Variants in NPSR1 observed in about 807,000 individuals in gnomAD.
The protein encoded by NPSR1 is neuropeptide S receptor.
A neutral mutation model predicts 46.9 loss-of-function variants in NPSR1; 48 were observed. That is an observed-to-expected ratio of 1.02 (90% CI 0.81 to 1.30). The LOEUF (loss-of-function observed/expected upper bound fraction) is 1.30, where lower values mean the gene tolerates loss of function less well. Ranked by LOEUF, NPSR1 falls within the 50% of genes most tolerant of loss-of-function variation. NPSR1 has a pLI of 0.00. For synonymous variants in NPSR1, 176 were observed against 168.1 expected, an observed-to-expected ratio of 1.05 and a Z score of -0.36; for missense variants, 450 against 449.5, an observed-to-expected ratio of 1.00 and a Z score of -0.01.
rs1448314326 is a variant in NPSR1, at chr7:34,811,816, T to C, written c.431T>C (p.Ile144Thr). ...ASTYVLVSLS[I>T]DRYHAIVYPM... The stretch of plus-strand genomic sequence containing the variant: ...ACCTACGTCCTGGTGTCCCTCAGCA[T>C]AGACAGATACCATGCCATCGTCTAC... Residue 144 changes from isoleucine (I) to threonine (T), a missense_variant, in exon 4 of 9, where the codon ATA becomes ACA. Ile to Thr is a moderately conservative substitution (Grantham distance 89). Transcript: ENST00000360581. 3.7e-6 allele frequency: 6 copies of C among 1,613,612 alleles called. No homozygotes were observed. The highest frequency in any genetic ancestry group is 2.2e-5 in the East Asian group (1 of 44,876).
intron 3 of NPSR1, among the ~76,000 whole-genome samples, chr7:34,790,929 A>G (rs193268840): frequency 2.6e-5 from 3 of 115,986 alleles, no homozygotes; most frequent in African/African-American, 1.4e-4. Context: ...TATATGTTAT[A>G]TGTTATATTA....
intron 1 of NPSR1, among the ~76,000 whole-genome samples, chr7:34,661,726 C>A (rs1164466460): frequency 6.6e-6 from 1 of 152,184 alleles, no homozygotes; most frequent in Non-Finnish European, 1.5e-5. Context: ...GTGTAACTAA[C>A]CCTACGTGGT....
chr7:34,839,756 G>A (rs1562767245), intron 6 of NPSR1, among the ~76,000 whole-genome samples: 1 of 152,078 alleles, frequency 6.6e-6, no homozygotes, highest in Non-Finnish European at 1.5e-5. Context: ...TTAACAGAGG[G>A]CTGCTAAGGT....
At chr7:34,790,588 T>A (rs900749917) in intron 3 of NPSR1, among the ~76,000 whole-genome samples, 2 of 149,512 alleles carry the variant, frequency 1.3e-5, no homozygotes, top group African/African-American at 4.9e-5. Flanking sequence ...CAAACTTAAA[T>A]TTTCTGTTTG....
chr7:34,784,715 G>T (rs1787382497), intron 3 of NPSR1, among the ~76,000 whole-genome samples: 1 of 152,178 alleles, frequency 6.6e-6, no homozygotes, highest in South Asian at 2.1e-4. Context: ...GAGTTAGGGA[G>T]GATTCCCTCT....
intron 8 of NPSR1, among the ~76,000 whole-genome samples, chr7:34,863,889 G>A (rs990832781): frequency 1.3e-5 from 2 of 151,692 alleles, no homozygotes; most frequent in Admixed American, 6.6e-5. Context: ...ATACCCAAAG[G>A]ATTATAAATC....
chr7:34,860,565 A>C (rs1791165969), intron 8 of NPSR1, among the ~76,000 whole-genome samples: 1 of 151,862 alleles, frequency 6.6e-6, no homozygotes, highest in Non-Finnish European at 1.5e-5. Context: ...TAGAAGACAG[A>C]TTTTCATATC....
intron 2 of NPSR1, among the ~76,000 whole-genome samples, chr7:34,731,941 G>A (rs1042603363): frequency 6.6e-6 from 1 of 152,132 alleles, no homozygotes; most frequent in Non-Finnish European, 1.5e-5. Context: ...AGCACCTTGG[G>A]AGGCCAAGGC....
chr7:34,815,930 A>G (rs879766571), intron 4 of NPSR1, among the ~76,000 whole-genome samples: 37 of 152,242 alleles, frequency 2.4e-4, no homozygotes, highest in Non-Finnish European at 5.4e-4. Context: ...TAAATATGGA[A>G]AGGAACAACC....
intron 3 of NPSR1, among the ~76,000 whole-genome samples, chr7:34,802,198 A>T (rs1284837826): frequency 6.6e-6 from 1 of 150,470 alleles, no homozygotes; most frequent in Non-Finnish European, 1.5e-5. Flanking sequence ...CTTTCTTCAC[A>T]GAATTGGAAA....
At chr7:34,861,120 C>T (rs1048886293) in intron 8 of NPSR1, among the ~76,000 whole-genome samples, 8 of 151,866 alleles carry the variant, frequency 5.3e-5, no homozygotes, top group Non-Finnish European at 8.8e-5. Flanking sequence ...TGATTAAACC[C>T]GCCTCTGCCG....
Position 34,787,383 on chromosome 7 carries a change from A to G in NPSR1, c.384+8818A>G, listed in dbSNP as rs186063711. 7.9e-4 allele frequency among the ~76,000 whole-genome samples: 121 copies of G among 152,248 alleles called. No homozygotes were observed. In the Middle Eastern group the frequency reaches 0.01, roughly 13 times the overall value. On this transcript the variant is annotated intron_variant, in intron 3 of 8. Transcript: ENST00000360581. Reference sequence around the variant, plus strand: ...GATTAGGCTTTGGCTTAATGTTGCAACTAGTTTGATCATATATCCAGACCA... The same window carrying G: ...GATTAGGCTTTGGCTTAATGTTGCAGCTAGTTTGATCATATATCCAGACCA...
intron 5 of NPSR1, among the ~76,000 whole-genome samples, chr7:34,832,365 T>C (rs1790160617): frequency 6.6e-6 from 1 of 152,152 alleles, no homozygotes; most frequent in East Asian, 1.9e-4. Flanking sequence ...AAACCCTGTC[T>C]CTATAAAATA....
intron 6 of NPSR1, among the ~76,000 whole-genome samples, chr7:34,836,238 G>A (rs1790364119): frequency 6.6e-6 from 1 of 152,092 alleles, no homozygotes; most frequent in Admixed American, 6.5e-5. Flanking sequence ...ATTCAGTGCA[G>A]TTGGCTTTGG....
chr7:34,687,193 A>AAT (rs1792980524), intron 2 of NPSR1, among the ~76,000 whole-genome samples: 1 of 152,090 alleles, frequency 6.6e-6, no homozygotes, highest in Non-Finnish European at 1.5e-5. Flanking sequence ...TGCTCCCTAA[A>AAT]AAAGAACCCT....
chr7:34,699,779 G>A (rs867638858), intron 2 of NPSR1, among the ~76,000 whole-genome samples: 96 of 152,292 alleles, frequency 6.3e-4, no homozygotes, highest in African/African-American at 2.2e-3. Context: ...CACATTGGGA[G>A]TTAGAGATTC....
At chr7:34,793,200 C>T (rs551333197) in intron 3 of NPSR1, among the ~76,000 whole-genome samples, 1 of 151,816 alleles carries the variant, frequency 6.6e-6, no homozygotes, top group South Asian at 2.1e-4. Context: ...CAAAAGTATA[C>T]AAATGGGATT....
At chr7:34,665,845 C>A (rs1336754046) in intron 1 of NPSR1, among the ~76,000 whole-genome samples, 1 of 152,016 alleles carries the variant, frequency 6.6e-6, no homozygotes, top group East Asian at 1.9e-4. Context: ...CACATGGACA[C>A]ATACAAATAC....
intron 2 of NPSR1, among the ~76,000 whole-genome samples, chr7:34,694,667 A>G (rs117020691): frequency 0.022 from 3,354 of 152,282 alleles, 94 homozygotes; most frequent in East Asian, 0.11. Flanking sequence ...GTAAAACAAG[A>G]TTAAAGTTTA....
Sources: allele counts gnomAD v4.1 joint callset (sites outside exome capture counted in the v4.1 genomes callset), GRCh38; gene constraint gnomAD v4.1.1; transcripts MANE v1.5; gene names NCBI Gene and HGNC (gene_info 2026-07-23, HGNC 2026-07-21).